The following FBXW11 variants were observed in gnomAD, a reference collection of about 807,000 sequenced individuals.
FBXW11 encodes F-box/WD repeat-containing protein 11.
In FBXW11, 19 loss-of-function variants were observed where a neutral mutation model predicts 77.6. The observed-to-expected ratio is 0.24, with a 90% confidence interval of 0.17 to 0.36. The LOEUF (loss-of-function observed/expected upper bound fraction) is 0.36. Ranked by LOEUF, FBXW11 falls within the 10% of genes least tolerant of loss-of-function variation. The probability of loss-of-function intolerance (pLI) is 1.00; values close to 1 mark genes in which losing one functional copy is unlikely to be tolerated. For synonymous variants in FBXW11, 235 were observed against 249.4 expected, an observed-to-expected ratio of 0.94 and a Z score of 0.54; for missense variants, 334 against 704.2, an observed-to-expected ratio of 0.47 and a Z score of 5.95.
chr5:171,864,259 G>GT (rs1757246211), intron 13 of FBXW11, among the ~76,000 whole-genome samples, 158 bp from the exon 14 acceptor site: 1 of 152,154 alleles, frequency 6.6e-6, no homozygotes, highest in South Asian at 2.1e-4. Context: ...CTACATACCA[G>GT]GTATCACATT....
At chr5:171,910,549 T>A in intron 4 of FBXW11, 23 bp downstream of exon 4, 1 of 1,582,528 alleles carries the variant, frequency 6.3e-7, no homozygotes. Flanking sequence ...CTGCTCAGCT[T>A]TTGAAAAGAC....
chr5:171,974,745 G>A (rs2113448746), intron 1 of FBXW11, among the ~76,000 whole-genome samples: 1 of 152,160 alleles, frequency 6.6e-6, no homozygotes. Flanking sequence ...AACACAGAGA[G>A]AGATATCATT....
At chr5:171,951,905 C>CTTTCTTCA (rs1324820786) in intron 2 of FBXW11, among the ~76,000 whole-genome samples, 9 of 152,126 alleles carry the variant, frequency 5.9e-5, no homozygotes, top group Admixed American at 5.9e-4. Flanking sequence ...AAAAGTTGAA[C>CTTTCTTCA]TAAGATTAGC....
At chr5:171,998,413 G>A (rs1286296862) in intron 1 of FBXW11, among the ~76,000 whole-genome samples, 3 of 144,696 alleles carry the variant, frequency 2.1e-5, no homozygotes, top group Non-Finnish European at 4.5e-5. Flanking sequence ...AAGCTCAAGC[G>A]ATCTGCCTAC....
intron 6 of FBXW11, among the ~76,000 whole-genome samples, chr5:171,897,460 C>T (rs957451675): frequency 6.6e-6 from 1 of 152,136 alleles, no homozygotes; most frequent in African/African-American, 2.4e-5. Context: ...GCTGTTTCCC[C>T]TCACACCTGC....
At chr5:171,973,958 T>C (rs1435842206) in intron 1 of FBXW11, among the ~76,000 whole-genome samples, 1 of 152,230 alleles carries the variant, frequency 6.6e-6, no homozygotes, top group Non-Finnish European at 1.5e-5. Context: ...TGTGTGTGTA[T>C]GTTTTTAAGT....
chr5:171,982,780 G>GA (rs1485592728), intron 1 of FBXW11, among the ~76,000 whole-genome samples: 1 of 152,098 alleles, frequency 6.6e-6, no homozygotes, highest in Non-Finnish European at 1.5e-5. Context: ...TCAGGAAACG[G>GA]AATCTCGGTG....
At chr5:172,003,129 T>C (rs1766516996) in intron 1 of FBXW11, 1 of 152,190 alleles carries the variant, frequency 6.6e-6, no homozygotes, top group Non-Finnish European at 1.5e-5. Context: ...CATTTAACAA[T>C]TAATTATAAA....
At chr5:171,901,990 GAC>G (rs1760152062) in intron 4 of FBXW11, among the ~76,000 whole-genome samples, 2 of 152,174 alleles carry the variant, frequency 1.3e-5, no homozygotes, top group Non-Finnish European at 2.9e-5. Flanking sequence ...CAGCACCCAT[GAC>G]ACTAGCTATT....
chr5:171,986,220 C>G (rs748070846), intron 1 of FBXW11, among the ~76,000 whole-genome samples: 8 of 151,920 alleles, frequency 5.3e-5, no homozygotes, highest in Non-Finnish European at 8.8e-5. Flanking sequence ...CCAGCCTGGC[C>G]AACATGGTGA....
In FBXW11 at chr5:171,958,766, T is replaced by C. The variant is rs149031793; in HGVS notation, c.46-1068A>G. Reference sequence around the variant, plus strand: ...AGATATAAAGTCAATTAATTTACTATGGCAAAATCAATACTCATGTAACAA... The same window carrying C: ...AGATATAAAGTCAATTAATTTACTACGGCAAAATCAATACTCATGTAACAA... On this transcript the variant is annotated intron_variant, in intron 1 of 13. Coordinates refer to ENST00000517395, the MANE Select transcript of FBXW11 (RefSeq NM_001378974.1). 2.2e-3 allele frequency among the ~76,000 whole-genome samples: 341 copies of C among 152,320 alleles called. 2 individuals carry two copies. The highest frequency in any genetic ancestry group is 8.2e-3 in the African/African-American group (339 of 41,580).
chr5:171,867,233 T>C (rs1757455721), intron 13 of FBXW11, among the ~76,000 whole-genome samples: 2 of 152,206 alleles, frequency 1.3e-5, no homozygotes. Context: ...TCAGATGTTG[T>C]AGGCCATAAG....
At chr5:171,985,666 C>G (rs529487853) in intron 1 of FBXW11, among the ~76,000 whole-genome samples, 9 of 151,944 alleles carry the variant, frequency 5.9e-5, no homozygotes, top group Non-Finnish European at 1.3e-4. Flanking sequence ...TACTTGGAGG[C>G]TGAGGTGGGA....
intron 2 of FBXW11, among the ~76,000 whole-genome samples, chr5:171,936,455 T>TAG (rs965662047): frequency 1.5e-5 from 2 of 137,786 alleles, no homozygotes; most frequent in African/African-American, 2.8e-5. Flanking sequence ...ATGATCATGC[T>TAG]ACTGCACTCC....
intron 6 of FBXW11, among the ~76,000 whole-genome samples, chr5:171,892,221 G>A (rs1759396943): frequency 6.6e-6 from 1 of 152,190 alleles, no homozygotes; most frequent in Admixed American, 6.5e-5. Context: ...AGATCAACAG[G>A]AGACATACTG....
At position 171,906,545 on chromosome 5, in the gene FBXW11, G is replaced by A. The variant is rs375033108; in HGVS notation, c.436+4027C>T. ...CCTACCAATAAATCTTACTACCTCT[G>A]GAGAAGCAGGTGTTTCCTGCCTCTC... On this transcript the variant is annotated intron_variant, in intron 4 of 13. Transcript: ENST00000517395. Among the ~76,000 whole-genome samples, 50 of 152,252 alleles carry A rather than the reference G, an allele frequency of 3.3e-4. No homozygotes were observed. In the South Asian group the frequency reaches 0.01, roughly 32 times the overall value.
At chr5:171,993,311 T>C (rs1316202593) in intron 1 of FBXW11, among the ~76,000 whole-genome samples, 1 of 152,094 alleles carries the variant, frequency 6.6e-6, no homozygotes, top group Admixed American at 6.6e-5. Context: ...TAAGTAAATC[T>C]GCCTATCAAA....
At chr5:171,865,282 T>TCAAA (rs1757316704) in intron 13 of FBXW11, among the ~76,000 whole-genome samples, 1 of 147,612 alleles carries the variant, frequency 6.8e-6, no homozygotes, top group Non-Finnish European at 1.5e-5. Flanking sequence ...TAAAGTATAA[T>TCAAA]TAAAAAAAAA....
chr5:171,895,873 C>CT (rs779168537), intron 6 of FBXW11, among the ~76,000 whole-genome samples: 14 of 152,216 alleles, frequency 9.2e-5, no homozygotes, highest in Non-Finnish European at 1.9e-4. Flanking sequence ...ATGGCTGCTT[C>CT]TTTTAGGAGC....
Sources: allele counts gnomAD v4.1 joint callset (sites outside exome capture counted in the v4.1 genomes callset), GRCh38; gene constraint gnomAD v4.1.1; transcripts MANE v1.5; gene names NCBI Gene and HGNC (gene_info 2026-07-23, HGNC 2026-07-21).